The following KCNK2 variants were observed in gnomAD, a reference collection of about 807,000 sequenced individuals.
KCNK2 encodes the protein potassium two pore domain channel subfamily K member 2.
In KCNK2, 21 loss-of-function variants were observed where a neutral mutation model predicts 40.5. The ratio of observed to expected loss-of-function variants is 0.52; its 90% CI spans 0.37 to 0.75. KCNK2 has a LOEUF of 0.75. KCNK2 is among the 30% of genes least tolerant of loss of function. KCNK2 has a pLI of 0.00. For synonymous variants in KCNK2, 191 were observed against 202.2 expected (o/e 0.94, Z 0.47); for missense variants, 399 against 531.6 (o/e 0.75, Z 2.45).
At chr1:215,145,225 G>A (rs140719456) in intron 3 of KCNK2, among the ~76,000 whole-genome samples, 53 of 152,192 alleles carry the variant, frequency 3.5e-4, no homozygotes, top group African/African-American at 1.2e-3. Flanking sequence ...TGATACTCAT[G>A]GACTGCTTAC....
At chr1:215,225,584 T>A (rs1666353756) in intron 6 of KCNK2, among the ~76,000 whole-genome samples, 1 of 152,198 alleles carries the variant, frequency 6.6e-6, no homozygotes, top group Non-Finnish European at 1.5e-5. Context: ...TTCCAGAATG[T>A]TTTTGTACAG....
intron 3 of KCNK2, among the ~76,000 whole-genome samples, chr1:215,147,250 T>C (rs1169715759): frequency 6.6e-6 from 1 of 152,174 alleles, no homozygotes; most frequent in Non-Finnish European, 1.5e-5. Flanking sequence ...CCTCTGTAGG[T>C]ATTTTAAAAT....
chr1:215,063,273 G>T (rs1032196493), intron 1 of KCNK2, among the ~76,000 whole-genome samples: 19 of 152,184 alleles, frequency 1.2e-4, no homozygotes, highest in Admixed American at 1.2e-3. Context: ...TATCCCTAAG[G>T]CTGTGAGAAG....
At chr1:215,032,385 G>C (rs1423176132) in intron 1 of KCNK2, among the ~76,000 whole-genome samples, 1 of 152,080 alleles carries the variant, frequency 6.6e-6, no homozygotes, top group Non-Finnish European at 1.5e-5. Context: ...TCCAGCCTGG[G>C]TGACAGAGTG....
intron 1 of KCNK2, among the ~76,000 whole-genome samples, chr1:215,041,775 G>A (rs185259139): frequency 8.1e-4 from 124 of 152,264 alleles, no homozygotes; most frequent in Middle Eastern, 3.4e-3. Context: ...CTTAAGGAAA[G>A]GGCACAGCCT....
chr1:215,012,323 CTTTTTG>C (rs1656430757), intron 1 of KCNK2, among the ~76,000 whole-genome samples: 3 of 151,962 alleles, frequency 2.0e-5, no homozygotes, highest in South Asian at 2.1e-4. Flanking sequence ...GTATTGATGG[CTTTTTG>C]TTTTTGTTTT....
At chr1:215,227,022 C>G (rs946506305) in intron 6 of KCNK2, among the ~76,000 whole-genome samples, 1 of 152,200 alleles carries the variant, frequency 6.6e-6, no homozygotes, top group Non-Finnish European at 1.5e-5. Flanking sequence ...GAAGCAGATT[C>G]TTTGTACTGG....
intron 1 of KCNK2, among the ~76,000 whole-genome samples, chr1:215,067,433 G>T (rs1251464391): frequency 6.6e-6 from 1 of 152,126 alleles, no homozygotes; most frequent in Non-Finnish European, 1.5e-5. Flanking sequence ...GGACCTCATT[G>T]TCAAGAGGGA....
intron 6 of KCNK2, among the ~76,000 whole-genome samples, chr1:215,223,643 C>T (rs1489636397): frequency 6.6e-6 from 1 of 152,148 alleles, no homozygotes; most frequent in African/African-American, 2.4e-5. Flanking sequence ...TACCATAGAA[C>T]ACCTGGAAGA....
chr1:215,168,949 G>A (rs779112684), intron 3 of KCNK2, among the ~76,000 whole-genome samples: 15 of 151,984 alleles, frequency 9.9e-5, no homozygotes, highest in Middle Eastern at 3.4e-3. Flanking sequence ...TGCATGTGTC[G>A]TCACCTCAGT....
chr1:215,230,532 T>TACACATAACA (rs1558150321), intron 6 of KCNK2, among the ~76,000 whole-genome samples: 1,163 of 37,032 alleles, frequency 0.031, 36 homozygotes, highest in African/African-American at 0.052. Context: ...TATATATATA[T>TACACATAACA]GTATATATAT....
chr1:215,168,136 A>G (rs527753501), intron 3 of KCNK2, among the ~76,000 whole-genome samples: 2 of 152,368 alleles, frequency 1.3e-5, no homozygotes, highest in South Asian at 4.1e-4. Context: ...TGATCATTAG[A>G]GAAATACAAA....
In KCNK2 at chr1:215,234,484, A is replaced by T. The variant is rs188551793; in HGVS notation, c.964-344A>T. 6.4e-3 allele frequency among the ~76,000 whole-genome samples: 972 copies of T among 152,328 alleles called. 2 individuals carry two copies. Among genetic ancestry groups the T allele is most frequent in the Non-Finnish European group, 0.011 (769 of 68,024 alleles). ...TTGAAATTAGATACAAGTGAAAAAA[A>T]TACTAAAAATGTTTTTTAAAAGCTA... On this transcript the variant is annotated intron_variant, in intron 6 of 6. Transcript: ENST00000444842.
chr1:215,017,732 C>A (rs1370557815), intron 1 of KCNK2, among the ~76,000 whole-genome samples: 1 of 152,110 alleles, frequency 6.6e-6, no homozygotes, highest in Non-Finnish European at 1.5e-5. Context: ...TTTGTGTTCT[C>A]ACCACAAAAC....
intron 6 of KCNK2, among the ~76,000 whole-genome samples, chr1:215,211,330 C>G (rs941483730): frequency 7.2e-5 from 11 of 152,130 alleles, no homozygotes; most frequent in Non-Finnish European, 1.5e-4. Context: ...CAGCAGTGCT[C>G]TTTTCCCAGG....
At chr1:215,161,803 C>T (rs535737974) in intron 3 of KCNK2, among the ~76,000 whole-genome samples, 13 of 152,282 alleles carry the variant, frequency 8.5e-5, no homozygotes, top group African/African-American at 2.9e-4. Flanking sequence ...ATATGTGCCA[C>T]ATTTTCTTAA....
At chr1:215,107,735 T>TGGGTATAAATCTCTTATC in intron 2 of KCNK2, among the ~76,000 whole-genome samples, 1 of 152,270 alleles carries the variant, frequency 6.6e-6, no homozygotes, top group East Asian at 1.9e-4. Flanking sequence ...ATGTATATTT[T>TGGGTATAAATCTCTTATC]GGGTATAAAT....
intron 3 of KCNK2, among the ~76,000 whole-genome samples, chr1:215,140,638 T>A (rs962847835): frequency 1.3e-5 from 2 of 152,274 alleles, no homozygotes; most frequent in African/African-American, 4.8e-5. Context: ...AAAGATTTTT[T>A]AAAAATAGTA....
chr1:215,042,169 C>T (rs901298767), intron 1 of KCNK2, among the ~76,000 whole-genome samples: 1 of 152,162 alleles, frequency 6.6e-6, no homozygotes, highest in African/African-American at 2.4e-5. Flanking sequence ...CAAGCCCTAT[C>T]AGATGCTATA....
Sources: allele counts gnomAD v4.1 joint callset (sites outside exome capture counted in the v4.1 genomes callset), GRCh38; gene constraint gnomAD v4.1.1; transcripts MANE v1.5; gene names NCBI Gene and HGNC (gene_info 2026-07-23, HGNC 2026-07-21).